Variants in RABGAP1L observed in about 807,000 individuals in gnomAD.
RABGAP1L encodes RAB GTPase activating protein 1 like.
Under a neutral mutation model 137.7 loss-of-function variants are expected in RABGAP1L, and 63 were observed. The observed-to-expected ratio is 0.46, with a 90% CI of 0.37 to 0.56. RABGAP1L has a LOEUF of 0.56. RABGAP1L is among the 20% of genes least tolerant of loss of function. The pLI is 0.00. For synonymous variants in RABGAP1L, 431 were observed against 433.7 expected (o/e 0.99, Z 0.08); for missense variants, 1,095 against 1,244.0 (o/e 0.88, Z 1.80).
At chr1:174,314,845 C>T (rs1384168556) in intron 11 of RABGAP1L, among the ~76,000 whole-genome samples, 4 of 151,968 alleles carry the variant, frequency 2.6e-5, no homozygotes, top group East Asian at 1.9e-4. Context: ...CCACTGTGGT[C>T]GAGAAGATGC....
chr1:174,416,042 A>ATACACC (rs1650551448), intron 13 of RABGAP1L, among the ~76,000 whole-genome samples: 2 of 148,344 alleles, frequency 1.3e-5, no homozygotes, highest in African/African-American at 2.5e-5. Context: ...ATATACACAC[A>ATACACC]CATTTTTTTT....
intron 11 of RABGAP1L, among the ~76,000 whole-genome samples, chr1:174,343,043 A>T (rs916923465): frequency 3.9e-5 from 6 of 152,006 alleles, no homozygotes; most frequent in African/African-American, 7.2e-5. Flanking sequence ...CTAGCCAGAA[A>T]TTTTTTTTAA....
intron 14 of RABGAP1L, among the ~76,000 whole-genome samples, chr1:174,641,766 G>C (rs1674546586): frequency 6.6e-6 from 1 of 152,144 alleles, no homozygotes; most frequent in African/African-American, 2.4e-5. Context: ...TTGTAAGGGT[G>C]TGGTGTCATA....
intron 19 of RABGAP1L, among the ~76,000 whole-genome samples, chr1:174,887,569 C>T (rs1009428425): frequency 6.6e-6 from 1 of 151,202 alleles, no homozygotes; most frequent in African/African-American, 2.4e-5. Flanking sequence ...ACATTGTTAT[C>T]TCAACCTGAT....
At chr1:174,169,072 G>A (rs1665139279) in intron 1 of RABGAP1L, among the ~76,000 whole-genome samples, 1 of 152,130 alleles carries the variant, frequency 6.6e-6, no homozygotes, top group South Asian at 2.1e-4. Context: ...ATATGATAAT[G>A]TAGGCCTCTT....
chr1:174,913,902 G>T (rs141893713), intron 19 of RABGAP1L, among the ~76,000 whole-genome samples: 3 of 152,098 alleles, frequency 2.0e-5, no homozygotes, highest in Non-Finnish European at 4.4e-5. Flanking sequence ...TAATAACTTT[G>T]AGGAACACTC....
At chr1:174,681,041 T>G (rs940906445) in intron 14 of RABGAP1L, among the ~76,000 whole-genome samples, 8 of 152,108 alleles carry the variant, frequency 5.3e-5, no homozygotes, top group Admixed American at 3.3e-4. Flanking sequence ...AGGAATTAAT[T>G]AAAAGGAAAA....
chr1:174,652,937 G>A (rs1438255996), intron 14 of RABGAP1L, among the ~76,000 whole-genome samples: 2 of 152,214 alleles, frequency 1.3e-5, no homozygotes, highest in Non-Finnish European at 2.9e-5. Flanking sequence ...AGGGAGATGG[G>A]AGTTTTATCT....
At chr1:174,349,107 G>C in intron 11 of RABGAP1L, among the ~76,000 whole-genome samples, 1 of 105,266 alleles carries the variant, frequency 9.5e-6, no homozygotes, top group Non-Finnish European at 1.8e-5. Flanking sequence ...GCGGGGGGCT[G>C]ACACCCCCAC....
At chr1:174,707,537 C>T (rs1359888491) in intron 17 of RABGAP1L, among the ~76,000 whole-genome samples, 2 of 152,154 alleles carry the variant, frequency 1.3e-5, no homozygotes, top group Admixed American at 6.5e-5. Context: ...CCTAGACAGC[C>T]TTGTTCAAGT....
intron 3 of RABGAP1L, among the ~76,000 whole-genome samples, chr1:174,229,807 G>A (rs1362638508): frequency 1.3e-5 from 2 of 152,110 alleles, no homozygotes; most frequent in South Asian, 4.1e-4. Flanking sequence ...GGGTCAAATG[G>A]TATTTCTAGT....
At chr1:174,554,688 T>TA in intron 13 of RABGAP1L, among the ~76,000 whole-genome samples, 1 of 152,214 alleles carries the variant, frequency 6.6e-6, no homozygotes, top group Non-Finnish European at 1.5e-5. Flanking sequence ...CCTAGAAGTT[T>TA]AAAATTAACA....
At chr1:174,833,394 G>GTGTA (rs1692330258) in intron 19 of RABGAP1L, among the ~76,000 whole-genome samples, 11 of 56,972 alleles carry the variant, frequency 1.9e-4, no homozygotes, top group South Asian at 8.5e-4. Context: ...GTGTGTGTGT[G>GTGTA]TGTGTGTATG....
chr1:174,615,912 GT>G (rs1671805044), intron 13 of RABGAP1L, among the ~76,000 whole-genome samples: 1 of 152,184 alleles, frequency 6.6e-6, no homozygotes. Context: ...CTGGTGCGCC[GT>G]TTTTTAAGCC....
intron 17 of RABGAP1L, among the ~76,000 whole-genome samples, chr1:174,717,238 T>A (rs1002460993): frequency 6.6e-6 from 1 of 152,064 alleles, no homozygotes; most frequent in Non-Finnish European, 1.5e-5. Flanking sequence ...GGCGAGACCC[T>A]GTGTCTATCA....
intron 17 of RABGAP1L, among the ~76,000 whole-genome samples, chr1:174,711,961 A>T (rs1238813728): frequency 1.3e-5 from 2 of 152,164 alleles, no homozygotes; most frequent in Non-Finnish European, 2.9e-5. Context: ...TTGTAAACAC[A>T]CCAATCAGTG....
intron 17 of RABGAP1L, among the ~76,000 whole-genome samples, chr1:174,718,058 T>C (rs1681169700): frequency 6.6e-6 from 1 of 152,202 alleles, no homozygotes; most frequent in Non-Finnish European, 1.5e-5. Flanking sequence ...CCTTTCTCAG[T>C]ACCTCAGGAA....
At chr1:174,866,647 C>T (rs1231227652) in intron 19 of RABGAP1L, among the ~76,000 whole-genome samples, 1 of 152,156 alleles carries the variant, frequency 6.6e-6, no homozygotes, top group Non-Finnish European at 1.5e-5. Context: ...CATGGTGGCT[C>T]ACACCTGTAA....
At chr1:174,732,969 G>T (rs1462276321) in intron 17 of RABGAP1L, among the ~76,000 whole-genome samples, 1 of 148,190 alleles carries the variant, frequency 6.7e-6, no homozygotes, top group Non-Finnish European at 1.5e-5. Context: ...TTTTCTAAGT[G>T]TTTTTTTATA....
Sources: allele counts gnomAD v4.1 joint callset (sites outside exome capture counted in the v4.1 genomes callset), GRCh38; gene constraint gnomAD v4.1.1; transcripts MANE v1.5; gene names NCBI Gene and HGNC (gene_info 2026-07-23, HGNC 2026-07-21).